Variants in PDXK observed in about 807,000 individuals in gnomAD.
PDXK encodes pyridoxal kinase.
PDXK carries 15 observed loss-of-function variants against 43.2 expected under a neutral mutation model. The observed-to-expected ratio is 0.35, with a 90% CI of 0.23 to 0.53. PDXK has a LOEUF of 0.53. Ranked by LOEUF, PDXK falls within the 20% of genes least tolerant of loss-of-function variation. The probability of loss-of-function intolerance (pLI) is 0.92; values close to 1 mark genes in which losing one functional copy is unlikely to be tolerated. For missense variants in PDXK, 343 were observed against 417.0 expected (o/e 0.82, Z 1.54); for synonymous variants, 172 against 165.4 (o/e 1.04, Z -0.31).
rs959314490 is a variant in PDXK at position 43,755,526 on chromosome 21, C to T, written c.760-172C>T. ...AGCCCTCCGGGCTCTCCGTGGTGGG[C>T]AGTCCGCAGCCTGTCCTCCAGGGTT... On this transcript the variant is annotated intron_variant, in intron 9 of 10. Transcript: ENST00000291565. 7.9e-6 allele frequency: 5 copies of T among 636,058 alleles called. No homozygotes were observed. The Admixed American group carries it at 1.0e-4, about 13-fold the overall frequency. The allele number at this position is 636,058 out of a possible 1,614,324, so 39.4% of individuals were successfully genotyped here.
intron 3 of PDXK, among the ~76,000 whole-genome samples, chr21:43,742,769 C>G (rs2083559811): frequency 1.3e-5 from 2 of 152,084 alleles, no homozygotes; most frequent in Admixed American, 1.3e-4. Flanking sequence ...TCGGGAAGCT[C>G]AGGTGGGAGG....
At position 43,758,278 on chromosome 21, in the gene PDXK, G is replaced by C. The variant is rs948791981; in HGVS notation, c.*2215G>C. ...ATGGCTGTCCCTGCAGGCGCCTCCC[G>C]TAAATCCTGAGCTCTCTGGCGCAAT... is the stretch of plus-strand genomic sequence containing the variant. On this transcript the variant is annotated 3_prime_UTR_variant, in exon 11 of 11. Coordinates refer to ENST00000291565, the MANE Select transcript of PDXK (RefSeq NM_003681.5). The C allele has an allele frequency of 2.0e-5, 3 of 153,720 alleles. No individual in the cohort carries two copies. The highest frequency in any genetic ancestry group is 1.3e-4 in the Admixed American group (2 of 15,278). 9.5% of individuals were successfully genotyped at this position (153,720 alleles called of 1,614,324 possible). A position where few individuals can be genotyped will look rare whatever the true frequency, so the allele number is the denominator to read the frequency against.
At position 43,741,441 on chromosome 21, in the gene PDXK, CGGGGGGGCTCG is replaced by C. The variant is rs1232737107; in HGVS notation, c.143-225_143-215del. On this transcript the variant is annotated intron_variant, in intron 2 of 10. Coordinates refer to ENST00000291565, the MANE Select transcript of PDXK (RefSeq NM_003681.5). ...CGCGGGGGGGCTCGCGGGGGGCTCG[CGGGGGGGCTCG>C]CGGGGGGCTCGCGGGGGGCTCGAGG... 1.3e-5 allele frequency: 2 copies of C among 157,692 alleles called. 1 individual carries two copies. The highest frequency in any genetic ancestry group is 1.7e-5 in the Non-Finnish European group (2 of 118,660). The allele number at this position is 157,692 out of a possible 1,614,324, so 9.8% of individuals were successfully genotyped here. A position where few individuals can be genotyped will look rare whatever the true frequency, so the allele number is the denominator to read the frequency against.
Position 43,756,316 on chromosome 21 carries a change from A to G in PDXK, c.*253A>G, listed in dbSNP as rs994782518. On this transcript the variant is annotated 3_prime_UTR_variant, in exon 11 of 11. Transcript: ENST00000291565. ...ACAAGGCTCCTGGGCCTCCGGGAAGACGGGCCCCTGTTTGCCATCTCGGGG... is the reference window on the plus strand; with the variant it reads ...ACAAGGCTCCTGGGCCTCCGGGAAGGCGGGCCCCTGTTTGCCATCTCGGGG... The G allele has an allele frequency of 5.7e-6, 2 of 350,946 alleles. No individual in the cohort carries two copies. The highest frequency in any genetic ancestry group is 4.2e-5 in the African/African-American group (2 of 47,098). The allele number at this position is 350,946 out of a possible 1,614,324, so 21.7% of individuals were successfully genotyped here.
chr21:43,737,547 C>T lies in PDXK; in HGVS notation c.142+3424C>T. Reference sequence around the variant, plus strand: ...GGGTGGACGGGTTGCGCTGTCCTGGCTTTCGGAGTGTAGAGCCAGAGGGGA... The same window carrying T: ...GGGTGGACGGGTTGCGCTGTCCTGGTTTTCGGAGTGTAGAGCCAGAGGGGA... On this transcript the variant is annotated intron_variant, in intron 2 of 10. Transcript: ENST00000291565. This position sits in a 1 kb window ranked among gnomAD's most constrained non-coding sequence, Gnocchi z 4.8. The T allele has an allele frequency of 2.0e-6, 2 of 1,012,238 alleles. No individual in the cohort carries two copies. Among genetic ancestry groups the T allele is most frequent in the Non-Finnish European group, 2.4e-6 (2 of 846,044 alleles). The allele number at this position is 1,012,238 out of a possible 1,614,324, so 62.7% of individuals were successfully genotyped here.
At chr21:43,751,009 C>T (rs545579032) in intron 7 of PDXK, among the ~76,000 whole-genome samples, 5 of 152,080 alleles carry the variant, frequency 3.3e-5, no homozygotes, top group East Asian at 3.9e-4. Context: ...TATTGTAAGG[C>T]GGTGGCTTGA....
chr21:43,740,962 AAG>A (rs2147259892), intron 2 of PDXK: 1 of 140,982 alleles, frequency 7.1e-6, no homozygotes, highest in Admixed American at 7.0e-5. Flanking sequence ...GCTGGGAAAC[AAG>A]AGACTGTGAC....
Position 43,752,642 on chromosome 21 carries a change from A to G in PDXK, c.622+13A>G. Reference sequence around the variant, plus strand: ...AGTCAGAGGAGGAGTAAGTGCCCCCATCGTGCACCGTGGCCGCCTCTGCTC... The same window carrying G: ...AGTCAGAGGAGGAGTAAGTGCCCCCGTCGTGCACCGTGGCCGCCTCTGCTC... On this transcript the variant is annotated intron_variant, in intron 8 of 10. Transcript: ENST00000291565. 7 of 1,503,942 alleles carry G rather than the reference A, an allele frequency of 4.7e-6. No individual in the cohort carries two copies. Among genetic ancestry groups the G allele is most frequent in the African/African-American group, 1.4e-5 (1 of 72,894 alleles). 93.2% of individuals were successfully genotyped at this position (1,503,942 alleles called of 1,614,324 possible).
At chr21:43,748,800 C>T (rs1371536997) in intron 5 of PDXK, among the ~76,000 whole-genome samples, 195 bp from the exon 6 acceptor site, 2 of 152,234 alleles carry the variant, frequency 1.3e-5, no homozygotes, top group Non-Finnish European at 1.5e-5. Flanking sequence ...TAGGGTTCCC[C>T]ACTCTAGTGT....
chr21:43,739,985 G>C (rs1342304199), intron 2 of PDXK, among the ~76,000 whole-genome samples: 1 of 151,658 alleles, frequency 6.6e-6, no homozygotes, highest in Non-Finnish European at 1.5e-5. Flanking sequence ...CACTGACCTC[G>C]CCCGCAGTGG....
In PDXK at chr21:43,719,352, G is replaced by T; in HGVS notation, c.58G>T (p.Gly20Cys). The T allele has an allele frequency of 6.6e-7, 1 of 1,526,398 alleles. No homozygotes were observed. The highest frequency in any genetic ancestry group is 8.8e-7 in the Non-Finnish European group (1 of 1,138,160). 94.6% of individuals were successfully genotyped at this position (1,526,398 alleles called of 1,614,324 possible). A position where few individuals can be genotyped will look rare whatever the true frequency, so the allele number is the denominator to read the frequency against. Residue 20 changes from glycine (G) to cysteine (C), a missense_variant, in exon 1 of 11, where the codon GGC becomes TGC. Physicochemically the swap from Gly to Cys is radical, Grantham distance 159. Coordinates refer to ENST00000291565, the MANE Select transcript of PDXK (RefSeq NM_003681.5). ...GAGCCACGTCATCCGCGGCTACGTG[G>T]GCAACCGGGCGGCCACGTTCCCGCT... Reference protein sequence around the residue: ...IQSHVIRGYVGNRAATFPLQV... With the variant: ...IQSHVIRGYVCNRAATFPLQV...
At chr21:43,742,645 G>C (rs2083557323) in intron 3 of PDXK, among the ~76,000 whole-genome samples, 1 of 152,164 alleles carries the variant, frequency 6.6e-6, no homozygotes, top group Non-Finnish European at 1.5e-5. Flanking sequence ...GGGAAGACTA[G>C]GAGGGAGGCT....
chr21:43,747,243 A>T (rs1363882565), intron 5 of PDXK: 1 of 152,266 alleles, frequency 6.6e-6, no homozygotes, highest in Non-Finnish European at 1.5e-5. Context: ...GAACAAATCC[A>T]CTGTGACCAG....
In PDXK at chr21:43,749,002, C is replaced by G; in HGVS notation, c.386C>G (p.Pro129Arg). The G allele has an allele frequency of 6.2e-7, 1 of 1,608,026 alleles. No individual in the cohort carries two copies. Among genetic ancestry groups the G allele is most frequent in the Non-Finnish European group, 8.5e-7 (1 of 1,174,614 alleles). Reference sequence around the variant, plus strand: ...GTCTCCTTTGTTGGCCAGTACGTCCCGGAGGACCTCCTTCCCGTCTACAAA... The same window carrying G: ...GTCTCCTTTGTTGGCCAGTACGTCCGGGAGGACCTCCTTCCCGTCTACAAA... ...KWDGEGSMYV[P>R]EDLLPVYKEK... The change falls in exon 6 of 11, where the codon CCG (proline) becomes CGG (arginine). Residue 129 changes from proline to arginine, a missense_variant. Pro to Arg is a moderately radical substitution (Grantham distance 103, BLOSUM62 -2). Transcript: ENST00000291565.
intron 2 of PDXK, chr21:43,736,935 T>C (rs1157164998): frequency 2.9e-6 from 2 of 701,428 alleles, no homozygotes; most frequent in Non-Finnish European, 5.2e-6. Context: ...CGCCCAGTCT[T>C]TTCTTTTTTC....
chr21:43,726,609 T>C (rs2083256500), intron 1 of PDXK, among the ~76,000 whole-genome samples: 2 of 152,112 alleles, frequency 1.3e-5, no homozygotes, highest in Admixed American at 6.5e-5. Context: ...GGTTTCACCA[T>C]GTTGGCCAGG....
chr21:43,733,700 C>G lies in PDXK; in HGVS notation c.88-369C>G, dbSNP rs1389818645. On this transcript the variant is annotated intron_variant, in intron 1 of 10. Transcript: ENST00000291565. The stretch of plus-strand genomic sequence containing the variant: ...TCCCAGCCTCTGTTCAGTGTGTGGA[C>G]AGATGGGTATTGCCTTCGTTTTATT... 4 of 1,134,656 alleles carry G rather than the reference C, an allele frequency of 3.5e-6. No individual in the cohort carries two copies. In the African/African-American group the frequency reaches 6.5e-5, roughly 18 times the overall value. The allele number at this position is 1,134,656 out of a possible 1,614,324, so 70.3% of individuals were successfully genotyped here.
At chr21:43,747,841 G>A (rs772078443) in intron 5 of PDXK, among the ~76,000 whole-genome samples, 11 of 152,226 alleles carry the variant, frequency 7.2e-5, no homozygotes, top group Non-Finnish European at 7.3e-5. Flanking sequence ...CTTTCCGTGA[G>A]GTTAAAGGGG....
chr21:43,752,679 A>G lies in PDXK; in HGVS notation c.622+50A>G, dbSNP rs1213430524. ...GGCCGCCTCTGCTCTTCCCAGAGGAAGGTGTTCTTTGGGGCTGCAAGAATG... is the reference window on the plus strand; with the variant it reads ...GGCCGCCTCTGCTCTTCCCAGAGGAGGGTGTTCTTTGGGGCTGCAAGAATG... On this transcript the variant is annotated intron_variant, in intron 8 of 10. Coordinates refer to ENST00000291565, the MANE Select transcript of PDXK (RefSeq NM_003681.5). 2.6e-6 allele frequency: 3 copies of G among 1,149,016 alleles called. No individual in the cohort carries two copies. The South Asian group carries it at 3.7e-5, about 14-fold the overall frequency. 71.2% of individuals were successfully genotyped at this position (1,149,016 alleles called of 1,614,324 possible). A position where few individuals can be genotyped will look rare whatever the true frequency, so the allele number is the denominator to read the frequency against.
Sources: gnomAD v4.1 joint callset for allele counts (sites outside exome capture counted in the v4.1 genomes callset) on GRCh38, gnomAD v4.1.1 for gene constraint, Gnocchi (gnomAD v3.1) non-coding constraint, MANE v1.5 for transcripts, NCBI Gene and HGNC (gene_info 2026-07-23, HGNC 2026-07-21) for gene names.